The following CTNNA3 variants were observed in gnomAD, a reference collection of about 807,000 sequenced individuals.
CTNNA3 encodes the protein catenin alpha 3, also known as catenin alpha-3.
CTNNA3 carries 76 observed loss-of-function variants against 95.7 expected under a neutral mutation model. The observed-to-expected ratio is 0.79, with a 90% CI of 0.66 to 0.96. The LOEUF is 0.96. CTNNA3 is among the 40% of genes least tolerant of loss of function. The pLI is 0.00. For synonymous variants in CTNNA3, 431 were observed against 374.4 expected (o/e 1.15, Z -1.74); for missense variants, 1,191 against 1,089.8 (o/e 1.09, Z -1.31).
chr10:66,652,556 A>G (rs1258382755), intron 9 of CTNNA3, among the ~76,000 whole-genome samples: 3 of 152,172 alleles, frequency 2.0e-5, no homozygotes. Flanking sequence ...AATTTTATCA[A>G]ACATTTAAAG....
At chr10:67,354,449 C>T (rs1381473109) in intron 5 of CTNNA3, among the ~76,000 whole-genome samples, 1 of 151,956 alleles carries the variant, frequency 6.6e-6, no homozygotes. Context: ...ATGTTTGTAA[C>T]TTGAATTATT....
At chr10:66,564,291 T>C (rs1044264618) in intron 10 of CTNNA3, among the ~76,000 whole-genome samples, 10 of 152,160 alleles carry the variant, frequency 6.6e-5, no homozygotes, top group African/African-American at 2.4e-4. Context: ...TGTGACATAC[T>C]ACAGATCTTG....
At chr10:67,525,418 A>G (rs1433649405) in intron 4 of CTNNA3, among the ~76,000 whole-genome samples, 4 of 152,206 alleles carry the variant, frequency 2.6e-5, no homozygotes, top group Non-Finnish European at 5.9e-5. Context: ...ATCTCACATT[A>G]AAATAGCTGA....
At chr10:66,490,806 C>G (rs760683296) in intron 11 of CTNNA3, among the ~76,000 whole-genome samples, 2 of 152,146 alleles carry the variant, frequency 1.3e-5, no homozygotes, top group Non-Finnish European at 2.9e-5. Flanking sequence ...AAGCAAGTTT[C>G]AAGATATAGT....
chr10:67,617,086 T>C (rs552873344), intron 2 of CTNNA3, among the ~76,000 whole-genome samples: 192 of 152,326 alleles, frequency 1.3e-3, no homozygotes, highest in African/African-American at 4.5e-3. Flanking sequence ...AATGCCTGGT[T>C]TTTGAAACTA....
chr10:66,307,636 GAATA>G (rs889878374), intron 12 of CTNNA3, among the ~76,000 whole-genome samples: 2 of 152,044 alleles, frequency 1.3e-5, no homozygotes, highest in African/African-American at 4.8e-5. Flanking sequence ...TTTAGGATGA[GAATA>G]AATAAAAATG....
intron 5 of CTNNA3, among the ~76,000 whole-genome samples, chr10:67,443,927 T>C (rs1452986994): frequency 6.6e-6 from 1 of 152,216 alleles, no homozygotes; most frequent in African/African-American, 2.4e-5. Context: ...TTTATGGTTT[T>C]AGGTCTAATG....
At chr10:66,279,976 C>T (rs5006568) in intron 13 of CTNNA3, among the ~76,000 whole-genome samples, 1 of 151,638 alleles carries the variant, frequency 6.6e-6, no homozygotes, top group Non-Finnish European at 1.5e-5. Flanking sequence ...AGACTGGGAC[C>T]CTTGAAGTGT....
intron 17 of CTNNA3, among the ~76,000 whole-genome samples, chr10:65,932,096 G>A (rs1299232878): frequency 1.3e-5 from 2 of 152,232 alleles, no homozygotes; most frequent in African/African-American, 2.4e-5. Context: ...TAGAGCTGAG[G>A]GGTTAAGAAT....
intron 7 of CTNNA3, among the ~76,000 whole-genome samples, chr10:66,909,429 G>A (rs556069785): frequency 4.6e-5 from 7 of 152,232 alleles, no homozygotes; most frequent in African/African-American, 1.4e-4. Context: ...AGAATTGCTT[G>A]AACCCAGAGG....
chr10:66,854,020 G>A (rs944748371), intron 7 of CTNNA3, among the ~76,000 whole-genome samples: 1 of 152,036 alleles, frequency 6.6e-6, no homozygotes, highest in Non-Finnish European at 1.5e-5. Context: ...ACCATCGCAT[G>A]TAAATGCACT....
At chr10:66,805,922 G>T (rs1022596425) in intron 7 of CTNNA3, among the ~76,000 whole-genome samples, 1 of 152,058 alleles carries the variant, frequency 6.6e-6, no homozygotes, top group African/African-American at 2.4e-5. Flanking sequence ...GATACAAAAT[G>T]CCAAGGAAGT....
intron 4 of CTNNA3, among the ~76,000 whole-genome samples, chr10:67,527,363 T>C (rs890518327): frequency 6.6e-6 from 1 of 152,200 alleles, no homozygotes; most frequent in African/African-American, 2.4e-5. Flanking sequence ...CAAGATGATG[T>C]TGAAGACAAA....
intron 12 of CTNNA3, among the ~76,000 whole-genome samples, chr10:66,299,134 G>A (rs191460926): frequency 3.9e-5 from 6 of 152,186 alleles, no homozygotes; most frequent in East Asian, 3.9e-4. Flanking sequence ...CTTTCTAGAC[G>A]GAACCAATGT....
intron 12 of CTNNA3, among the ~76,000 whole-genome samples, chr10:66,346,552 C>G (rs1471918359): frequency 6.6e-6 from 1 of 152,022 alleles, no homozygotes; most frequent in African/African-American, 2.4e-5. Context: ...GTTGGGATTA[C>G]AGGCGTGAGC....
intron 15 of CTNNA3, among the ~76,000 whole-genome samples, chr10:65,992,673 A>G (rs2078568996): frequency 6.6e-6 from 1 of 151,638 alleles, no homozygotes; most frequent in Non-Finnish European, 1.5e-5. Flanking sequence ...TTAATTTTTT[A>G]TCTTTTCACA....
chr10:65,997,589 A>G (rs1038341309), intron 15 of CTNNA3, among the ~76,000 whole-genome samples: 1 of 152,200 alleles, frequency 6.6e-6, no homozygotes, highest in African/African-American at 2.4e-5. Flanking sequence ...CTATAGGAAA[A>G]GGATGGAAAG....
intron 7 of CTNNA3, among the ~76,000 whole-genome samples, chr10:66,878,069 G>T (rs1380814301): frequency 1.3e-5 from 2 of 152,080 alleles, no homozygotes; most frequent in Non-Finnish European, 2.9e-5. Context: ...TCGGAAGTCA[G>T]GAAAGGAAAG....
At chr10:66,242,292 A>G (rs1348748261) in intron 13 of CTNNA3, among the ~76,000 whole-genome samples, 1 of 152,200 alleles carries the variant, frequency 6.6e-6, no homozygotes, top group Non-Finnish European at 1.5e-5. Flanking sequence ...ACAAAGAGAG[A>G]AAAAAACAGC....
Sources: gnomAD v4.1 joint callset for allele counts (sites outside exome capture counted in the v4.1 genomes callset) on GRCh38, gnomAD v4.1.1 for gene constraint, MANE v1.5 for transcripts, NCBI Gene and HGNC (gene_info 2026-07-23, HGNC 2026-07-21) for gene names.